CHRM5: variants seen among roughly 807,000 people sequenced by gnomAD.
CHRM5 encodes cholinergic receptor muscarinic 5.
Under a neutral mutation model 39.0 loss-of-function variants are expected in CHRM5, and 18 were observed. That is an observed-to-expected ratio of 0.46 (90% confidence interval 0.32 to 0.68). The LOEUF (loss-of-function observed/expected upper bound fraction) is 0.68, where lower values mean the gene tolerates loss of function less well. Among genes scored for constraint, CHRM5 ranks in the 30% least tolerant of loss-of-function variants. CHRM5 has a pLI of 0.04. For synonymous variants in CHRM5, 241 were observed against 246.3 expected (o/e 0.98, Z 0.20); for missense variants, 515 against 651.1 (o/e 0.79, Z 2.28).
At chr15:34,062,418 G>A (rs567505210) in intron 2 of CHRM5, among the ~76,000 whole-genome samples, 1 of 152,162 alleles carries the variant, frequency 6.6e-6, no homozygotes, top group Non-Finnish European at 1.5e-5. Context: ...AGCTGGGCGT[G>A]GTGGTGGGAG....
intron 1 of CHRM5, among the ~76,000 whole-genome samples, chr15:34,007,836 CCTT>C (rs1897426695): frequency 6.6e-6 from 1 of 152,162 alleles, no homozygotes; most frequent in Non-Finnish European, 1.5e-5. Flanking sequence ...TATTCCATGA[CCTT>C]CTCCAGCTTC....
intron 1 of CHRM5, among the ~76,000 whole-genome samples, chr15:33,990,534 C>G (rs999911274): frequency 1.3e-5 from 2 of 152,198 alleles, no homozygotes; most frequent in African/African-American, 4.8e-5. Flanking sequence ...CTAACGTTCT[C>G]TCATTAAGCC....
intron 1 of CHRM5, among the ~76,000 whole-genome samples, chr15:33,984,545 G>C (rs1001378860): frequency 1.3e-5 from 2 of 151,978 alleles, no homozygotes; most frequent in Non-Finnish European, 1.5e-5. Context: ...TCAGATTACA[G>C]GCATGCTCCA....
chr15:33,973,559 A>C (rs978766790), intron 1 of CHRM5, among the ~76,000 whole-genome samples: 2 of 151,940 alleles, frequency 1.3e-5, no homozygotes, highest in Non-Finnish European at 2.9e-5. Context: ...TCCATTGAAA[A>C]CCTATTTATG....
chr15:34,003,284 A>G, intron 1 of CHRM5: 1 of 1,302,698 alleles, frequency 7.7e-7, no homozygotes, highest in Non-Finnish European at 1.1e-6. Flanking sequence ...GTAAAACAAA[A>G]AAGTACATGG....
chr15:34,012,414 G>T (rs1897675944), intron 1 of CHRM5, among the ~76,000 whole-genome samples: 1 of 152,096 alleles, frequency 6.6e-6, no homozygotes, highest in East Asian at 1.9e-4. Flanking sequence ...GGTGATCTTG[G>T]TGTGCAAAAT....
At chr15:33,976,230 C>T (rs190751423) in intron 1 of CHRM5, among the ~76,000 whole-genome samples, 4 of 152,272 alleles carry the variant, frequency 2.6e-5, no homozygotes, top group Middle Eastern at 3.4e-3. Context: ...ATTTATATTA[C>T]AATGTATTCA....
At chr15:34,020,304 C>T (rs867536344) in intron 1 of CHRM5, among the ~76,000 whole-genome samples, 2 of 110,054 alleles carry the variant, frequency 1.8e-5, no homozygotes, top group African/African-American at 2.5e-5. Flanking sequence ...GAGCGAGACT[C>T]CATCTCAAAA....
chr15:33,988,698 A>G (rs1323611822), intron 1 of CHRM5, among the ~76,000 whole-genome samples: 2 of 152,264 alleles, frequency 1.3e-5, no homozygotes, highest in East Asian at 3.8e-4. Flanking sequence ...ACACACAAGT[A>G]AAACACTGTA....
At chr15:34,041,020 C>T (rs1175876746) in intron 1 of CHRM5, among the ~76,000 whole-genome samples, 1 of 151,620 alleles carries the variant, frequency 6.6e-6, no homozygotes, top group Non-Finnish European at 1.5e-5. Context: ...GGTCTGGCCT[C>T]TCACCAAGTT....
At chr15:34,030,077 G>A (rs566556933) in intron 1 of CHRM5, among the ~76,000 whole-genome samples, 3 of 151,874 alleles carry the variant, frequency 2.0e-5, no homozygotes, top group Middle Eastern at 3.4e-3. Flanking sequence ...AACATGGTGC[G>A]ACCCCATCTC....
At chr15:34,010,456 T>C (rs1045090998) in intron 1 of CHRM5, among the ~76,000 whole-genome samples, 2 of 152,108 alleles carry the variant, frequency 1.3e-5, no homozygotes, top group African/African-American at 2.4e-5. Context: ...AGACAACAGA[T>C]CCTATTTAAA....
At position 34,064,149 on chromosome 15, in the gene CHRM5, C is replaced by T. The variant is rs1231371997; in HGVS notation, c.1432C>T (p.His478Tyr). 8.1e-6 allele frequency: 13 copies of T among 1,614,218 alleles called. No individual in the cohort carries two copies. The highest frequency in any genetic ancestry group is 1.1e-5 in the Non-Finnish European group (13 of 1,180,038). ...CDKCVPVTLW[H>Y]LGYWLCYVNS... ...CAAGTGTGTCCCAGTCACCCTGTGG[C>T]ACTTGGGCTATTGGTTGTGCTATGT... is the stretch of plus-strand genomic sequence containing the variant. The change falls in exon 3 of 3, where the codon CAC becomes TAC. Residue 478 changes from histidine (H) to tyrosine (Y), a missense_variant. Physicochemically the swap from His to Tyr is moderately conservative, Grantham distance 83. Transcript: ENST00000383263.
chr15:34,003,329 G>T, intron 1 of CHRM5: 1 of 794,810 alleles, frequency 1.3e-6, no homozygotes, highest in Non-Finnish European at 2.0e-6. Context: ...CAAGCTGTCT[G>T]AAGATATTAA....
chr15:33,990,148 G>A (rs1896656778), intron 1 of CHRM5, among the ~76,000 whole-genome samples: 1 of 151,982 alleles, frequency 6.6e-6, no homozygotes, highest in Non-Finnish European at 1.5e-5. Flanking sequence ...AGGTTGCAGT[G>A]AGCCGAGATT....
At chr15:33,984,570 T>A (rs1896339678) in intron 1 of CHRM5, among the ~76,000 whole-genome samples, 1 of 152,052 alleles carries the variant, frequency 6.6e-6, no homozygotes. Flanking sequence ...ACCCGGCTAA[T>A]TTTGTATTTT....
Position 34,064,689 on chromosome 15 carries a change from A to G in CHRM5, c.*373A>G. On this transcript the variant is annotated 3_prime_UTR_variant, in exon 3 of 3. Coordinates refer to ENST00000383263, the MANE Select transcript of CHRM5 (RefSeq NM_012125.4). ...CAGGTGGAAACCTTTTCCTGTGGAA[A>G]CCTGTCATAGAATTTTGTGCAATAT... 1 of 233,144 alleles carries G rather than the reference A, an allele frequency of 4.3e-6. No individual in the cohort carries two copies. The highest frequency in any genetic ancestry group is 9.1e-6 in the Non-Finnish European group (1 of 109,918). 14.4% of individuals were successfully genotyped at this position (233,144 alleles called of 1,614,324 possible).
intron 1 of CHRM5, among the ~76,000 whole-genome samples, chr15:33,987,776 G>T (rs1896540915): frequency 6.6e-6 from 1 of 152,206 alleles, no homozygotes; most frequent in Non-Finnish European, 1.5e-5. Context: ...TGGCAAACAA[G>T]CATGCCTAGA....
rs1897419927 is a variant in CHRM5 at position 34,007,757 on chromosome 15, T to C, written c.-408+38607T>C. On this transcript the variant is annotated intron_variant, in intron 1 of 2. Transcript: ENST00000383263. ...CAGAAATGTTTTTCTCTCTCAGTTC[T>C]GGAGGCTAGAAATCTGAAATCTGGG... Among the ~76,000 whole-genome samples, 4 of 152,218 alleles carry C rather than the reference T, an allele frequency of 2.6e-5. No homozygotes were observed. The South Asian group carries it at 8.3e-4, about 32-fold the overall frequency.
Sources: allele counts gnomAD v4.1 joint callset (sites outside exome capture counted in the v4.1 genomes callset), GRCh38; gene constraint gnomAD v4.1.1; transcripts MANE v1.5; gene names NCBI Gene and HGNC (gene_info 2026-07-23, HGNC 2026-07-21).